ZDHHC24: variants seen among roughly 807,000 people sequenced by gnomAD.
The protein encoded by ZDHHC24 is probable palmitoyltransferase ZDHHC24.
ZDHHC24 carries 17 observed loss-of-function variants against 23.2 expected under a neutral mutation model. That is an observed-to-expected ratio of 0.73 (90% CI 0.50 to 1.10). ZDHHC24 has a LOEUF of 1.10. ZDHHC24 is among the 50% of genes least tolerant of loss of function. The pLI, the probability that ZDHHC24 is intolerant of heterozygous loss-of-function variation, is 0.00. For missense variants in ZDHHC24, 366 were observed against 393.0 expected, an observed-to-expected ratio of 0.93 and a Z score of 0.58; for synonymous variants, 186 against 194.5, an observed-to-expected ratio of 0.96 and a Z score of 0.36.
Position 66,523,555 on chromosome 11 carries a change from C to T in ZDHHC24, c.*22-2089G>A, listed in dbSNP as rs901307899. 2.5e-6 allele frequency: 4 copies of T among 1,614,032 alleles called. No individual in the cohort carries two copies. The highest frequency in any genetic ancestry group is 3.3e-5 in the Admixed American group (2 of 60,000). On this transcript the variant is annotated intron_variant, in intron 4 of 4. Transcript: ENST00000526986. ...TAGTGGTGGGCAGCACCCAAGACAG[C>T]CTGCATGGCTTCACCCACAAGGTGC... is the stretch of plus-strand genomic sequence containing the variant.
chr11:66,521,357 A>G, exon 5 of ZDHHC24: 1 of 1,614,136 alleles, frequency 6.2e-7, no homozygotes, highest in Non-Finnish European at 8.5e-7. Context: ...CCGCAATGGA[A>G]ACATCTATAT....
exon 5 of ZDHHC24, chr11:66,521,105 A>G (rs1459081703): frequency 4.4e-6 from 3 of 682,936 alleles, no homozygotes; most frequent in Non-Finnish European, 8.0e-6. Context: ...GCTTTTGCTA[A>G]ATGTTGCCCC....
At chr11:66,522,902 AG>A in intron 4 of ZDHHC24, 3 of 347,106 alleles carry the variant, frequency 8.6e-6, no homozygotes, top group Non-Finnish European at 1.7e-5. Flanking sequence ...ATGGCTTGAA[AG>A]TTAAAAAGGA....
intron 3 of ZDHHC24, among the ~76,000 whole-genome samples, chr11:66,528,348 G>T (rs1358866933): frequency 6.6e-6 from 1 of 152,234 alleles, no homozygotes; most frequent in Non-Finnish European, 1.5e-5. Flanking sequence ...ATGCTGTAAA[G>T]CTTGAAGTTG....
At chr11:66,531,003 A>G (rs1276448223), downstream of ZDHHC24, 2 of 1,614,046 alleles carry the variant, frequency 1.2e-6, no homozygotes, top group East Asian at 4.5e-5. Flanking sequence ...GAGGCGCTCT[A>G]TTCCCTGCCC....
chr11:66,527,095 G>C, intron 3 of ZDHHC24: 1 of 1,391,190 alleles, frequency 7.2e-7, no homozygotes, highest in Non-Finnish European at 9.8e-7. Flanking sequence ...GTAGAATTTT[G>C]ACTGGGCATG....
Position 66,521,340 on chromosome 11 carries a change from C to T in ZDHHC24, c.*148G>A, listed in dbSNP as rs372939761. 5.0e-5 allele frequency: 80 copies of T among 1,614,060 alleles called. No homozygotes were observed. Among genetic ancestry groups the T allele is most frequent in the South Asian group, 3.3e-4 (30 of 91,088 alleles). On this transcript the variant is annotated 3_prime_UTR_variant, in exon 5 of 5. Coordinates refer to the ZDHHC24 transcript ENST00000526986. ...TTTGATGTTGAGTTCCGGCTTGCCG[C>T]GGCCTGCCGCAATGGAAACATCTAT...
chr11:66,529,315 G>A (rs566524075), exon 3 of ZDHHC24: 2 of 1,536,280 alleles, frequency 1.3e-6, no homozygotes, highest in South Asian at 2.4e-5. Context: ...GCAGGACCAT[G>A]AGGCTGGTTT....
chr11:66,527,062 A>C, intron 3 of ZDHHC24: 2 of 1,513,582 alleles, frequency 1.3e-6, no homozygotes, highest in Non-Finnish European at 1.8e-6. Context: ...TCACTTCCAA[A>C]CGCAGGAATT....
downstream of ZDHHC24, among the ~76,000 whole-genome samples, chr11:66,530,705 C>A (rs555927713): frequency 2.0e-5 from 3 of 152,294 alleles, no homozygotes; most frequent in African/African-American, 7.2e-5. Flanking sequence ...GCCTGGCCTC[C>A]CTCAGGCTCT....
At chr11:66,522,537 G>A (rs1461534582) in intron 4 of ZDHHC24, among the ~76,000 whole-genome samples, 2 of 151,764 alleles carry the variant, frequency 1.3e-5, no homozygotes, top group Admixed American at 6.6e-5. Flanking sequence ...TAGTAGAGAC[G>A]GGGTTTCACC....
rs747432462 is a variant in ZDHHC24, at chr11:66,543,767, G to C, written c.496C>G (p.Arg166Gly). 6.2e-7 allele frequency: 1 copy of C among 1,608,842 alleles called. No individual in the cohort carries two copies. Residue 166 changes from arginine to glycine, a missense_variant, in exon 2 of 3, where the codon CGA becomes GGA. Arg to Gly is a moderately radical substitution (Grantham distance 125, BLOSUM62 -2). Transcript: ENST00000310442. ...GCCATGTGGAGGGGCGTGTGGGCTC[G>C]CAGCAGGGCCGACAGTGCAGGGCCC... ...LLGPALSALL[R>G]AHTPLHMAAL...
Position 66,529,359 on chromosome 11 carries a change from TC to T in ZDHHC24, c.688del (p.Glu230ArgfsTer21). ...TTGAGCCTGAGGTGTTGATGGGACC[TC>T]CCTGTGGAGATGAGCAGGAGGCAGG... On this transcript the variant is annotated frameshift_variant, in exon 3 of 5. Coordinates refer to the ZDHHC24 transcript ENST00000526986. LOFTEE classifies it high-confidence loss of function. The T allele has an allele frequency of 6.6e-7, 1 of 1,506,208 alleles. No homozygotes were observed. The highest frequency in any genetic ancestry group is 8.9e-7 in the Non-Finnish European group (1 of 1,119,422). 93.3% of individuals were successfully genotyped at this position (1,506,208 alleles called of 1,614,324 possible).
downstream of ZDHHC24, chr11:66,532,256 A>G (rs74451472): frequency 1.6e-3 from 938 of 587,052 alleles, 16 homozygotes; most frequent in East Asian, 0.026. Context: ...CCAACCCAGC[A>G]TGGTCCCACT....
chr11:66,544,019 C>A, intron 1 of ZDHHC24, 38 bp from the exon 2 acceptor site: 1 of 1,604,056 alleles, frequency 6.2e-7, no homozygotes, highest in Non-Finnish European at 8.5e-7. Context: ...CCCCCAGCAG[C>A]TCAGATGCCC....
intron 4 of ZDHHC24, among the ~76,000 whole-genome samples, chr11:66,525,053 A>G (rs1856424204): frequency 1.3e-5 from 2 of 152,142 alleles, no homozygotes; most frequent in Non-Finnish European, 2.9e-5. Context: ...ACAAAAAATT[A>G]GCCGGGCATG....
downstream of ZDHHC24, among the ~76,000 whole-genome samples, chr11:66,534,916 C>T (rs1019048941): frequency 3.9e-5 from 6 of 151,904 alleles, no homozygotes; most frequent in African/African-American, 4.8e-5. Flanking sequence ...AGAATGGTCT[C>T]GATCTCCTCA....
intron 4 of ZDHHC24, chr11:66,524,243 G>A: frequency 2.8e-6 from 1 of 355,604 alleles, no homozygotes. Context: ...TCAAACCATG[G>A]CACTTCAGCC....
chr11:66,531,312 C>G (rs1856771386), downstream of ZDHHC24, among the ~76,000 whole-genome samples: 1 of 152,234 alleles, frequency 6.6e-6, no homozygotes, highest in South Asian at 2.1e-4. Context: ...CCACCTACAC[C>G]TCCCAGAAGG....
Sources: allele counts gnomAD v4.1 joint callset (sites outside exome capture counted in the v4.1 genomes callset), GRCh38; gene constraint gnomAD v4.1.1; transcripts MANE v1.5; gene names NCBI Gene and HGNC (gene_info 2026-07-23, HGNC 2026-07-21).